The following CDH18 variants were observed in gnomAD, a reference collection of about 807,000 sequenced individuals.
CDH18 encodes the protein cadherin 18, also known as cadherin-18.
Under a neutral mutation model 67.9 loss-of-function variants are expected in CDH18, and 31 were observed. That is an observed-to-expected ratio of 0.46 (90% CI 0.34 to 0.62). The LOEUF is 0.62. Among genes scored for constraint, CDH18 ranks in the 20% least tolerant of loss-of-function variants. The pLI, the probability that CDH18 is intolerant of heterozygous loss-of-function variation, is 0.01. For synonymous variants in CDH18, 362 were observed against 347.2 expected, an observed-to-expected ratio of 1.04 and a Z score of -0.48; for missense variants, 890 against 975.5, an observed-to-expected ratio of 0.91 and a Z score of 1.17.
intron 2 of CDH18, among the ~76,000 whole-genome samples, chr5:19,849,207 G>C (rs184934659): frequency 1.2e-4 from 19 of 152,094 alleles, no homozygotes; most frequent in African/African-American, 4.6e-4. Context: ...GGAATGGTCA[G>C]GACTGAAGGT....
At chr5:19,534,712 C>G (rs892827886) in intron 9 of CDH18, among the ~76,000 whole-genome samples, 7 of 152,002 alleles carry the variant, frequency 4.6e-5, no homozygotes, top group Admixed American at 4.6e-4. Flanking sequence ...TTATTCCAGC[C>G]TGGTATTCAT....
intron 5 of CDH18, among the ~76,000 whole-genome samples, chr5:19,638,977 G>GT (rs34631530): frequency 0.083 from 4,519 of 54,424 alleles, 531 homozygotes; most frequent in Admixed American, 0.11. Flanking sequence ...TTTTGTTGCT[G>GT]TTTTTTTTTT....
intron 1 of CDH18, among the ~76,000 whole-genome samples, chr5:20,488,647 C>T (rs1303551703): frequency 1.4e-5 from 2 of 144,536 alleles, no homozygotes; most frequent in Middle Eastern, 3.4e-3. Flanking sequence ...AATTCATATG[C>T]TCTTTTTGGT....
At chr5:20,224,073 T>C (rs1741427672) in intron 2 of CDH18, among the ~76,000 whole-genome samples, 1 of 152,196 alleles carries the variant, frequency 6.6e-6, no homozygotes, top group Admixed American at 6.6e-5. Flanking sequence ...TGGTTTCTTA[T>C]TCAAAATTGT....
At position 20,281,465 on chromosome 5, in the gene CDH18, A is replaced by G. The variant is rs544044452; in HGVS notation, c.-579-25960T>C. Among the ~76,000 whole-genome samples, 106 of 152,264 alleles carry G rather than the reference A, an allele frequency of 7.0e-4. 2 individuals carry two copies. The South Asian group carries it at 0.021, about 31-fold the overall frequency. ...CCCAGCACCATTTATTAAATAGGGA[A>G]TCCTTTCCCTATTTCTTGTTTTTGT... On this transcript the variant is annotated intron_variant, in intron 1 of 14. Transcript: ENST00000507958.
chr5:20,347,799 C>A (rs1330886315), intron 1 of CDH18, among the ~76,000 whole-genome samples: 1 of 152,148 alleles, frequency 6.6e-6, no homozygotes, highest in Non-Finnish European at 1.5e-5. Context: ...AGATGCAACA[C>A]CCATAGGAGG....
At chr5:19,602,547 T>A (rs1364326502) in intron 6 of CDH18, among the ~76,000 whole-genome samples, 1 of 150,138 alleles carries the variant, frequency 6.7e-6, no homozygotes, top group African/African-American at 2.5e-5. Flanking sequence ...AAATTAAAAT[T>A]AAAAAAAAAG....
rs558845127 is a variant in CDH18, at chr5:20,193,338, G to A, written c.-518+62106C>T. ...TGTAAATAAACTAGAAAATCTAGAA[G>A]AAATGGACATATTCCTGGACACATA... On this transcript the variant is annotated intron_variant, in intron 2 of 14. Transcript: ENST00000507958. Among the ~76,000 whole-genome samples, 3 of 152,138 alleles carry A rather than the reference G, an allele frequency of 2.0e-5. No homozygotes were observed. In the East Asian group the frequency reaches 5.8e-4, roughly 30 times the overall value.
chr5:20,389,771 T>G (rs1744672390), intron 1 of CDH18, among the ~76,000 whole-genome samples: 1 of 152,140 alleles, frequency 6.6e-6, no homozygotes, highest in East Asian at 1.9e-4. Flanking sequence ...AACAGCATGG[T>G]ACTGGTACCA....
intron 3 of CDH18, among the ~76,000 whole-genome samples, chr5:19,814,175 G>C (rs1441328128): frequency 6.6e-6 from 1 of 151,302 alleles, no homozygotes; most frequent in Non-Finnish European, 1.5e-5. Context: ...CTTTATTTAT[G>C]TTTCAAAAAT....
At chr5:19,508,198 G>A (rs1216169526) in intron 10 of CDH18, among the ~76,000 whole-genome samples, 1 of 152,010 alleles carries the variant, frequency 6.6e-6, no homozygotes, top group Non-Finnish European at 1.5e-5. Flanking sequence ...TCATGTAATA[G>A]AATTTGCATT....
chr5:19,627,354 T>C (rs557709175), intron 5 of CDH18, among the ~76,000 whole-genome samples: 2 of 152,348 alleles, frequency 1.3e-5, no homozygotes, highest in African/African-American at 4.8e-5. Flanking sequence ...TATCTACACA[T>C]TTACGTAAGT....
intron 2 of CDH18, among the ~76,000 whole-genome samples, chr5:20,106,600 T>G (rs568121976): frequency 1.3e-5 from 2 of 152,344 alleles, no homozygotes; most frequent in African/African-American, 2.4e-5. Context: ...CATTCCAAGT[T>G]TTATAGACCA....
intron 9 of CDH18, among the ~76,000 whole-genome samples, chr5:19,535,552 C>A (rs1318513090): frequency 1.3e-5 from 2 of 152,164 alleles, no homozygotes; most frequent in African/African-American, 4.8e-5. Context: ...GGAATACACT[C>A]ACAAACACTA....
intron 1 of CDH18, among the ~76,000 whole-genome samples, chr5:20,412,716 C>A (rs1295668685): frequency 6.6e-6 from 1 of 152,184 alleles, no homozygotes; most frequent in Non-Finnish European, 1.5e-5. Context: ...TACACACCAA[C>A]AAACTTATTA....
intron 5 of CDH18, among the ~76,000 whole-genome samples, chr5:19,664,483 A>C (rs997620508): frequency 7.2e-5 from 11 of 152,018 alleles, no homozygotes; most frequent in Admixed American, 3.3e-4. Flanking sequence ...ATCTCAGTAA[A>C]AAACAAACAA....
At chr5:20,082,773 CAT>C (rs1392188683) in intron 2 of CDH18, among the ~76,000 whole-genome samples, 1 of 152,178 alleles carries the variant, frequency 6.6e-6, no homozygotes, top group Non-Finnish European at 1.5e-5. Context: ...AAAAGACAAA[CAT>C]ATGCGGAGAA....
At chr5:19,490,762 A>G (rs569526179) in intron 11 of CDH18, among the ~76,000 whole-genome samples, 2 of 152,038 alleles carry the variant, frequency 1.3e-5, no homozygotes, top group Admixed American at 6.6e-5. Flanking sequence ...TTTTTTGCTT[A>G]GTGAATATGA....
chr5:20,038,791 G>A (rs1426361117), intron 2 of CDH18, among the ~76,000 whole-genome samples: 3 of 152,160 alleles, frequency 2.0e-5, no homozygotes, highest in Admixed American at 2.0e-4. Context: ...CACAAGACAA[G>A]GATGTCCTCT....
Sources: gnomAD v4.1 joint callset for allele counts (sites outside exome capture counted in the v4.1 genomes callset) on GRCh38, gnomAD v4.1.1 for gene constraint, MANE v1.5 for transcripts, NCBI Gene and HGNC (gene_info 2026-07-23, HGNC 2026-07-21) for gene names.